The following FGF23 variants were observed in gnomAD, a reference collection of about 807,000 sequenced individuals.
FGF23 encodes phosphatonin.
In FGF23, 8 loss-of-function variants were observed where a neutral mutation model predicts 9.0. That is an observed-to-expected ratio of 0.89 (90% CI 0.52 to 1.60). The LOEUF is 1.60. Among genes scored for constraint, FGF23 ranks in the 40% most tolerant of loss-of-function variants. The pLI is 0.00. For missense variants in FGF23, 311 were observed against 344.3 expected, an observed-to-expected ratio of 0.90 and a Z score of 0.77; for synonymous variants, 118 against 146.2, an observed-to-expected ratio of 0.81 and a Z score of 1.39.
At chr12:4,370,840 C>G in intron 2 of FGF23, 57 bp from the exon 3 acceptor site, 3 of 1,441,564 alleles carry the variant, frequency 2.1e-6, no homozygotes, top group African/African-American at 1.4e-5. Flanking sequence ...CACCCACTCC[C>G]CAGCTCCTCC....
intron 2 of FGF23, 31 bp downstream of exon 2, chr12:4,372,563 A>G (rs1262950339): frequency 7.6e-7 from 1 of 1,317,110 alleles, no homozygotes; most frequent in Non-Finnish European, 1.1e-6. Context: ...AATTGTTTGC[A>G]AATGGTGACC....
chr12:4,376,921 A>G (rs920445839), intron 1 of FGF23, among the ~76,000 whole-genome samples: 3 of 152,078 alleles, frequency 2.0e-5, no homozygotes, highest in African/African-American at 7.2e-5. Context: ...AGTTATCTAC[A>G]TAGACTAGGA....
chr12:4,374,807 T>G (rs567419384), intron 1 of FGF23, among the ~76,000 whole-genome samples: 19 of 152,212 alleles, frequency 1.2e-4, no homozygotes, highest in East Asian at 5.8e-4. Flanking sequence ...CTGATTATTA[T>G]TATTATTAGT....
intron 2 of FGF23, 110 bp from the exon 3 acceptor site, chr12:4,370,893 T>C (rs558399939): frequency 2.2e-6 from 2 of 907,294 alleles, no homozygotes; most frequent in East Asian, 4.8e-5. Context: ...GCTCTGCAGT[T>C]CTTAGGGCGT....
intron 2 of FGF23, among the ~76,000 whole-genome samples, chr12:4,372,053 A>T (rs1482036463): frequency 1.3e-5 from 2 of 151,390 alleles, no homozygotes. Flanking sequence ...GGAAACCATC[A>T]TTCTCAGTAA....
At chr12:4,377,302 G>T (rs1000317348) in intron 1 of FGF23, among the ~76,000 whole-genome samples, 3 of 152,034 alleles carry the variant, frequency 2.0e-5, no homozygotes, top group South Asian at 2.1e-4. Context: ...TCAGCAACGG[G>T]ATTCCAGGAT....
chr12:4,370,161 C>G lies in FGF23; in HGVS notation c.*182G>C. The G allele has an allele frequency of 1.6e-6, 1 of 620,014 alleles. No homozygotes were observed. Among genetic ancestry groups the G allele is most frequent in the Non-Finnish European group, 2.9e-6 (1 of 347,458 alleles). The allele number at this position is 620,014 out of a possible 1,614,324, so 38.4% of individuals were successfully genotyped here. A position where few individuals can be genotyped will look rare whatever the true frequency, so the allele number is the denominator to read the frequency against. ...TGGAGTGAGGAAGGCGGTGAAACCC[C>G]ATGACTTGGGCCTCAAAGGTTGGTT... On this transcript the variant is annotated 3_prime_UTR_variant, in exon 3 of 3. Transcript: ENST00000237837.
intron 1 of FGF23, among the ~76,000 whole-genome samples, chr12:4,372,993 C>T (rs984410602): frequency 6.6e-6 from 1 of 152,194 alleles, no homozygotes; most frequent in Non-Finnish European, 1.5e-5. Flanking sequence ...TCTCTCTCTA[C>T]CTGGACCGTC....
intron 1 of FGF23, among the ~76,000 whole-genome samples, chr12:4,378,582 C>G (rs1258941634): frequency 2.0e-5 from 3 of 152,152 alleles, no homozygotes. Flanking sequence ...TAAAAACATT[C>G]CAGTTGTCTC....
intron 1 of FGF23, among the ~76,000 whole-genome samples, 165 bp downstream of exon 1, chr12:4,379,207 A>G (rs1865150161): frequency 6.6e-6 from 1 of 151,042 alleles, no homozygotes; most frequent in African/African-American, 2.5e-5. Context: ...ACACGCACAC[A>G]CACACACACA....
chr12:4,371,820 G>A (rs1158184471), intron 2 of FGF23, among the ~76,000 whole-genome samples: 1 of 152,094 alleles, frequency 6.6e-6, no homozygotes, highest in Non-Finnish European at 1.5e-5. Flanking sequence ...GACACCAATG[G>A]CTTTTCACCC....
chr12:4,377,960 T>G (rs1865137239), intron 1 of FGF23, among the ~76,000 whole-genome samples: 1 of 152,186 alleles, frequency 6.6e-6, no homozygotes, highest in African/African-American at 2.4e-5. Flanking sequence ...GTGCATCAAG[T>G]GTATCCAGAT....
intron 1 of FGF23, among the ~76,000 whole-genome samples, chr12:4,377,760 T>A: frequency 7.5e-6 from 1 of 133,638 alleles, no homozygotes; most frequent in African/African-American, 3.1e-5. Context: ...AGTAAGGGTG[T>A]CCCCTCCATG....
rs78679651 is a variant in FGF23 at position 4,370,693 on chromosome 12, C to G, written c.406G>C (p.Val136Leu). 7 of 1,614,004 alleles carry G rather than the reference C, an allele frequency of 4.3e-6. No homozygotes were observed. The East Asian group carries it at 1.6e-4, about 36-fold the overall frequency. The change falls in exon 3 of 3, where the codon GTC becomes CTC. Residue 136 changes from valine to leucine, a missense_variant. By Grantham distance (32) the Val-to-Leu change is conservative. This residue lies in a region of FGF23 where 206 missense variants were observed against 219.2 expected (regional missense o/e 0.94). Transcript: ENST00000237837. ...GCTCTCTTCGCCCGGCCCAGACTGA[C>G]CAGGAAGTGATACTGAGGAGAGTGG... ...VYHSPQYHFL[V>L]SLGRAKRAFL...
At chr12:4,376,381 A>C (rs1398098996) in intron 1 of FGF23, among the ~76,000 whole-genome samples, 1 of 152,248 alleles carries the variant, frequency 6.6e-6, no homozygotes, top group Non-Finnish European at 1.5e-5. Context: ...AGGAGGGGAA[A>C]AAATACCCCT....
At chr12:4,375,647 G>A (rs2120739449) in intron 1 of FGF23, among the ~76,000 whole-genome samples, 1 of 152,250 alleles carries the variant, frequency 6.6e-6, no homozygotes, top group South Asian at 2.1e-4. Flanking sequence ...GTGTGACCTT[G>A]GAACAGCTTG....
In FGF23 at chr12:4,369,687, C is replaced by T. The variant is rs1208260383; in HGVS notation, c.*656G>A. ...GAGGCTGAGTTTTCTATTATGATTCCTGCCTCATTTCAGCAAGCATCAAGT... is the reference window on the plus strand; with the variant it reads ...GAGGCTGAGTTTTCTATTATGATTCTTGCCTCATTTCAGCAAGCATCAAGT... On this transcript the variant is annotated 3_prime_UTR_variant, in exon 3 of 3. Coordinates refer to ENST00000237837, the MANE Select transcript of FGF23 (RefSeq NM_020638.3). 1 of 229,466 alleles carries T rather than the reference C, an allele frequency of 4.4e-6. No homozygotes were observed. Among genetic ancestry groups the T allele is most frequent in the Non-Finnish European group, 8.6e-6 (1 of 115,724 alleles). 14.2% of individuals were successfully genotyped at this position (229,466 alleles called of 1,614,324 possible). A position where few individuals can be genotyped will look rare whatever the true frequency, so the allele number is the denominator to read the frequency against.
In FGF23 at chr12:4,370,269, G is replaced by A; in HGVS notation, c.*74C>T. The A allele has an allele frequency of 8.3e-6, 12 of 1,445,314 alleles. No homozygotes were observed. In the South Asian group the frequency reaches 1.3e-4, roughly 15 times the overall value. The allele number at this position is 1,445,314 out of a possible 1,614,324, so 89.5% of individuals were successfully genotyped here. On this transcript the variant is annotated 3_prime_UTR_variant, in exon 3 of 3. Transcript: ENST00000237837. ...CTGTCACCTTTCCCATCCTCGGAACGTCAAGGGACCTGGTCCTTGGGAAGA... is the reference window on the plus strand; with the variant it reads ...CTGTCACCTTTCCCATCCTCGGAACATCAAGGGACCTGGTCCTTGGGAAGA...
At chr12:4,375,986 G>C (rs1009608459) in intron 1 of FGF23, among the ~76,000 whole-genome samples, 1 of 152,186 alleles carries the variant, frequency 6.6e-6, no homozygotes, top group Non-Finnish European at 1.5e-5. Context: ...AAAGAAAAAC[G>C]TATGAAAAAG....
Sources: gnomAD v4.1 joint callset for allele counts (sites outside exome capture counted in the v4.1 genomes callset) on GRCh38, gnomAD v4.1.1 for gene constraint, gnomAD v4.1.1 regional missense constraint, MANE v1.5 for transcripts, NCBI Gene and HGNC (gene_info 2026-07-23, HGNC 2026-07-21) for gene names.